Variants in VWA8 observed in about 807,000 individuals in gnomAD.
The protein encoded by VWA8 is von Willebrand factor A domain-containing protein 8.
Under a neutral mutation model 241.5 loss-of-function variants are expected in VWA8, and 221 were observed. The ratio of observed to expected loss-of-function variants is 0.91; its 90% CI spans 0.82 to 1.02. VWA8 has a LOEUF of 1.02. VWA8 is among the 50% of genes least tolerant of loss of function. The pLI, the probability that VWA8 is intolerant of heterozygous loss-of-function variation, is 0.00. For missense variants in VWA8, 2,322 were observed against 2,328.7 expected (o/e 1.00, Z 0.06); for synonymous variants, 852 against 827.1 (o/e 1.03, Z -0.52).
rs112297676 is a variant in VWA8, at chr13:41,787,607, T to TACACACAC, written c.2064-72_2064-65dup. ...GTCAAAGCTTTCTGCGATTCTTAAA[T>TACACACAC]ACACACACACACACACACACACACA... On this transcript the variant is annotated intron_variant, in intron 17 of 44. Transcript: ENST00000379310. The TACACACAC allele has an allele frequency of 5.2e-3, 3,126 of 603,888 alleles. 10 individuals are homozygous for TACACACAC. The highest frequency in any genetic ancestry group is 9.2e-3 in the African/African-American group (484 of 52,690). 37.4% of individuals were successfully genotyped at this position (603,888 alleles called of 1,614,324 possible). A position where few individuals can be genotyped will look rare whatever the true frequency, so the allele number is the denominator to read the frequency against.
At chr13:41,628,365 G>A (rs1014772641) in intron 37 of VWA8, among the ~76,000 whole-genome samples, 14 of 152,000 alleles carry the variant, frequency 9.2e-5, no homozygotes, top group Non-Finnish European at 2.1e-4. Flanking sequence ...CCATTATTGG[G>A]TATATACCCA....
At chr13:41,783,327 T>C (rs1371082542) in intron 19 of VWA8, among the ~76,000 whole-genome samples, 1 of 151,474 alleles carries the variant, frequency 6.6e-6, no homozygotes, top group African/African-American at 2.4e-5. Flanking sequence ...AATTTTCTGT[T>C]TTCTGTCTTA....
intron 17 of VWA8, among the ~76,000 whole-genome samples, chr13:41,799,177 T>C (rs1048447303): frequency 6.6e-6 from 1 of 152,180 alleles, no homozygotes; most frequent in Non-Finnish European, 1.5e-5. Context: ...AAATCTCTTA[T>C]GGTTTTTTCC....
At chr13:41,703,534 T>G (rs2137829634) in intron 26 of VWA8, 123 bp from the exon 27 acceptor site, 5 of 731,510 alleles carry the variant, frequency 6.8e-6, no homozygotes, top group Non-Finnish European at 1.1e-5. Flanking sequence ...AGAAGTGAGT[T>G]ATACATCATT....
chr13:41,816,725 G>A lies in VWA8; in HGVS notation c.1920C>T (p.His640=). 1 of 1,613,678 alleles carries A rather than the reference G, an allele frequency of 6.2e-7. No homozygotes were observed. Among genetic ancestry groups the A allele is most frequent in the Non-Finnish European group, 8.5e-7 (1 of 1,179,782 alleles). ...EALDKLLSFT[H]KLRETQDPTA... ...TTGGATCCTGTGTTTCTCTGAGTTT[G>A]TGTGTAAATGATAATAACTTATCCA... The change falls in exon 16 of 45, where the codon CAC becomes CAT. Residue 640 remains histidine (H), a synonymous_variant. Transcript: ENST00000379310.
chr13:41,937,492 T>C (rs1251646124), intron 2 of VWA8, among the ~76,000 whole-genome samples: 1 of 152,188 alleles, frequency 6.6e-6, no homozygotes, highest in Non-Finnish European at 1.5e-5. Flanking sequence ...AAGAATCTAA[T>C]GTCACCACTG....
At position 41,575,759 on chromosome 13, in the gene VWA8, T is replaced by C. The variant is rs200850191; in HGVS notation, c.5351A>G (p.Gln1784Arg). The C allele has an allele frequency of 1.2e-6, 2 of 1,613,078 alleles. No homozygotes were observed. The highest frequency in any genetic ancestry group is 2.2e-5 in the South Asian group (2 of 90,932). ...ATTTACCTTCAGAATTTCTAGTCTT[T>C]GCTTATTGTCCTTGGGGATTTTGTT... ...PMNKIPKDNK[Q>R]RLEILKTMHA... The change falls in exon 43 of 45, where the codon CAA (glutamine) becomes CGA (arginine). Residue 1784 changes from glutamine to arginine, a missense_variant. Gln to Arg is a conservative substitution (Grantham distance 43). Transcript: ENST00000379310.
At chr13:41,808,346 G>T (rs941536114) in intron 17 of VWA8, among the ~76,000 whole-genome samples, 6 of 152,142 alleles carry the variant, frequency 3.9e-5, no homozygotes, top group African/African-American at 1.4e-4. Flanking sequence ...TGCTGTACAG[G>T]ACACATGACG....
intron 36 of VWA8, among the ~76,000 whole-genome samples, chr13:41,671,422 T>C (rs192222059): frequency 8.5e-5 from 13 of 152,254 alleles, no homozygotes; most frequent in East Asian, 7.7e-4. Context: ...AAGAAAGATG[T>C]TTTTATAAGT....
intron 4 of VWA8, among the ~76,000 whole-genome samples, chr13:41,898,200 T>C (rs1361571659): frequency 6.6e-6 from 1 of 150,930 alleles, no homozygotes; most frequent in African/African-American, 2.4e-5. Context: ...ATAAAGGTTC[T>C]CCAAGGCCCC....
At chr13:41,726,197 T>C (rs1178107637) in intron 24 of VWA8, among the ~76,000 whole-genome samples, 1 of 152,204 alleles carries the variant, frequency 6.6e-6, no homozygotes, top group East Asian at 1.9e-4. Flanking sequence ...TTCTATTGTG[T>C]GGATACAAAA....
At chr13:41,847,917 G>A (rs1019608428) in intron 12 of VWA8, among the ~76,000 whole-genome samples, 1 of 152,136 alleles carries the variant, frequency 6.6e-6, no homozygotes, top group African/African-American at 2.4e-5. Context: ...CAAAACTGAT[G>A]AGTTCTTAAA....
chr13:41,806,173 A>C (rs1314092257), intron 17 of VWA8, among the ~76,000 whole-genome samples: 1 of 152,084 alleles, frequency 6.6e-6, no homozygotes, highest in African/African-American at 2.4e-5. Flanking sequence ...AAACTGAAAA[A>C]TTTATTGAAA....
chr13:41,601,962 G>A (rs191048344), intron 40 of VWA8, among the ~76,000 whole-genome samples: 1 of 152,202 alleles, frequency 6.6e-6, no homozygotes, highest in Non-Finnish European at 1.5e-5. Context: ...TGGTTACTTG[G>A]ATTACATAGC....
intron 11 of VWA8, 30 bp downstream of exon 11, chr13:41,865,872 A>G (rs375422054): frequency 1.0e-4 from 164 of 1,614,078 alleles, no homozygotes; most frequent in Non-Finnish European, 1.1e-4. Context: ...CCAGGAAACT[A>G]AAAGTCTGCA....
rs895292913 is a variant in VWA8, at chr13:41,912,109, G to T, written c.301C>A (p.Leu101Ile). Residue 101 changes from leucine to isoleucine, a missense_variant, in exon 3 of 45, where the codon CTT (leucine) becomes ATT (isoleucine). Transcript: ENST00000379310. ...ATTAGAAAAACATCTTGCCCCAAAA[G>T]ATCCTTCTGCATTATCCATCTTAGA... ...QHLRWIMQKD[L>I]LGQDVFLIGP... is the part of the protein sequence containing the mutation. 3.1e-6 allele frequency: 5 copies of T among 1,610,074 alleles called. No homozygotes were observed. The highest frequency in any genetic ancestry group is 4.2e-6 in the Non-Finnish European group (5 of 1,177,584).
chr13:41,668,528 T>C (rs2045001775), intron 37 of VWA8, among the ~76,000 whole-genome samples: 1 of 152,162 alleles, frequency 6.6e-6, no homozygotes, highest in South Asian at 2.1e-4. Flanking sequence ...AAGAATAGCT[T>C]GAAAGATCAA....
intron 2 of VWA8, among the ~76,000 whole-genome samples, chr13:41,915,218 T>A (rs1215718998): frequency 3.9e-5 from 6 of 152,218 alleles, no homozygotes; most frequent in African/African-American, 1.4e-4. Context: ...GAATTATGTA[T>A]AATCATGTTT....
At chr13:41,693,753 G>C (rs1169304937) in intron 29 of VWA8, among the ~76,000 whole-genome samples, 1 of 151,912 alleles carries the variant, frequency 6.6e-6, no homozygotes, top group Non-Finnish European at 1.5e-5. Context: ...TTAACATTGA[G>C]AAAGCCAGAA....
Sources: allele counts gnomAD v4.1 joint callset (sites outside exome capture counted in the v4.1 genomes callset), GRCh38; gene constraint gnomAD v4.1.1; transcripts MANE v1.5; gene names NCBI Gene and HGNC (gene_info 2026-07-23, HGNC 2026-07-21).